Variants in NBAS observed in about 807,000 individuals in gnomAD.
NBAS encodes NAG/BC035112 fusion.
A neutral mutation model predicts 302.5 loss-of-function variants in NBAS; 219 were observed. That is an observed-to-expected ratio of 0.72 (90% CI 0.65 to 0.81). NBAS has a LOEUF of 0.81. NBAS is among the 30% of genes least tolerant of loss of function. The probability of loss-of-function intolerance (pLI) is 0.00; values close to 1 mark genes in which losing one functional copy is unlikely to be tolerated. For synonymous variants in NBAS, 1,118 were observed against 1,021.6 expected, an observed-to-expected ratio of 1.09 and a Z score of -1.80; for missense variants, 2,932 against 2,841.6, an observed-to-expected ratio of 1.03 and a Z score of -0.72.
intron 28 of NBAS, among the ~76,000 whole-genome samples, chr2:15,392,079 C>T (rs1194322491): frequency 6.6e-6 from 1 of 151,050 alleles, no homozygotes; most frequent in Non-Finnish European, 1.5e-5. Context: ...CAGATGGAAA[C>T]ATAAGTCTAC....
chr2:14,930,213 C>T, the NBAS span, among the ~76,000 whole-genome samples: 1 of 152,140 alleles, frequency 6.6e-6, no homozygotes, highest in East Asian at 1.9e-4. Flanking sequence ...TATTCCTGTC[C>T]TCCACTCTAA....
the NBAS span, among the ~76,000 whole-genome samples, chr2:14,954,853 A>C: frequency 6.6e-6 from 1 of 152,170 alleles, no homozygotes; most frequent in Non-Finnish European, 1.5e-5. Context: ...TGGGAACTAC[A>C]ATATAAGATG....
At chr2:15,044,117 G>A in the NBAS span, among the ~76,000 whole-genome samples, 1 of 136,890 alleles carries the variant, frequency 7.3e-6, no homozygotes. Flanking sequence ...TGAACAGAGA[G>A]AAAACTTAAA....
chr2:14,853,816 G>T, the NBAS span, among the ~76,000 whole-genome samples: 1 of 122,760 alleles, frequency 8.1e-6, no homozygotes, highest in Non-Finnish European at 1.7e-5. Context: ...GTAAACTATC[G>T]CAAGAACAAA....
At chr2:15,034,037 A>AGGAGGAGGAGGAGGAGGAGG in the NBAS span, among the ~76,000 whole-genome samples, 37 of 42,016 alleles carry the variant, frequency 8.8e-4, 5 homozygotes, top group East Asian at 0.01. Context: ...GAGGAGGAGG[A>AGGAGGAGGAGGAGGAGGAGG]AGGAGGAGGA....
intron 48 of NBAS, among the ~76,000 whole-genome samples, chr2:15,197,899 G>A (rs1189908004): frequency 1.3e-5 from 2 of 152,134 alleles, no homozygotes; most frequent in Non-Finnish European, 2.9e-5. Context: ...TTCCCTTTTA[G>A]TTTTGCTGAA....
chr2:15,109,216 A>T, the NBAS span, among the ~76,000 whole-genome samples: 3 of 152,150 alleles, frequency 2.0e-5, no homozygotes, highest in African/African-American at 7.2e-5. Context: ...TCAATAAGAG[A>T]TAATGTGCTT....
chr2:14,789,877 A>C, the NBAS span, among the ~76,000 whole-genome samples: 1 of 152,254 alleles, frequency 6.6e-6, no homozygotes, highest in South Asian at 2.1e-4. Flanking sequence ...AATGTTTAAC[A>C]AATAAATAAA....
At chr2:15,156,525 G>C in the NBAS span, among the ~76,000 whole-genome samples, 2 of 152,212 alleles carry the variant, frequency 1.3e-5, 1 homozygote, top group East Asian at 3.9e-4. Flanking sequence ...GTTCCTCATA[G>C]ATGGTGGTTT....
chr2:14,909,366 T>TAAAAAAAAAA, the NBAS span, among the ~76,000 whole-genome samples: 334 of 78,526 alleles, frequency 4.3e-3, 17 homozygotes, highest in South Asian at 0.012. Context: ...GGAGAGTTTC[T>TAAAAAAAAAA]AAAAAAAAAA....
Position 15,353,627 on chromosome 2 carries a change from CCATGAGCT to C in NBAS, c.4007_4014del (p.Glu1336GlyfsTer10). 1 of 1,614,096 alleles carries C rather than the reference CCATGAGCT, an allele frequency of 6.2e-7. No homozygotes were observed. Among genetic ancestry groups the C allele is most frequent in the Non-Finnish European group, 8.5e-7 (1 of 1,179,974 alleles). ...GGAGGGCAATGTGTCAAAGCAAAAGCCATGAGCTCTTGACGAGTGGCCAAGTCCTGGTA... is the reference window on the plus strand; with the variant it reads ...GGAGGGCAATGTGTCAAAGCAAAAGCCTTGACGAGTGGCCAAGTCCTGGTA... On this transcript the variant is annotated frameshift_variant, in exon 34 of 52. Coordinates refer to ENST00000281513, the MANE Select transcript of NBAS (RefSeq NM_015909.4). LOFTEE classifies it high-confidence loss of function.
chr2:15,489,532 G>A (rs1680769509), intron 11 of NBAS, among the ~76,000 whole-genome samples: 1 of 152,272 alleles, frequency 6.6e-6, no homozygotes, highest in Admixed American at 6.5e-5. Context: ...GGAAACAGAA[G>A]AAGATAAAGA....
the NBAS span, among the ~76,000 whole-genome samples, chr2:15,130,493 T>C: frequency 6.6e-6 from 1 of 152,196 alleles, no homozygotes. Flanking sequence ...ACACAGTCAA[T>C]GGGGCACTTT....
intron 6 of NBAS, among the ~76,000 whole-genome samples, chr2:15,539,857 T>TACAC (rs149929250): frequency 1.1e-4 from 16 of 150,936 alleles, no homozygotes; most frequent in East Asian, 5.8e-4. Context: ...TATATATATA[T>TACAC]ACACACACAC....
chr2:14,998,668 G>A, the NBAS span, among the ~76,000 whole-genome samples: 1 of 152,166 alleles, frequency 6.6e-6, no homozygotes, highest in Non-Finnish European at 1.5e-5. Context: ...TGTATGTGAA[G>A]ATAAGCTGCT....
At chr2:15,052,654 T>G in the NBAS span, among the ~76,000 whole-genome samples, 17 of 152,314 alleles carry the variant, frequency 1.1e-4, no homozygotes, top group South Asian at 3.3e-3. Flanking sequence ...CAGCTAAGAC[T>G]TCACTTCCAA....
intron 13 of NBAS, among the ~76,000 whole-genome samples, chr2:15,477,786 G>A (rs937308069): frequency 6.6e-6 from 1 of 151,928 alleles, no homozygotes; most frequent in African/African-American, 2.4e-5. Flanking sequence ...TGTAAATCTT[G>A]ATTTTTTTCT....
the NBAS span, among the ~76,000 whole-genome samples, chr2:15,118,369 A>G: frequency 1.3e-5 from 2 of 152,230 alleles, no homozygotes; most frequent in African/African-American, 4.8e-5. Flanking sequence ...AGCCATTGTC[A>G]TCACTGAAGA....
At chr2:15,342,222 T>G (rs1296956806) in intron 35 of NBAS, among the ~76,000 whole-genome samples, 1 of 151,804 alleles carries the variant, frequency 6.6e-6, no homozygotes, top group African/African-American at 2.4e-5. Context: ...TAGTCTAAAA[T>G]AGAGAAAAGT....
Sources: gnomAD v4.1 joint callset for allele counts (sites outside exome capture counted in the v4.1 genomes callset) on GRCh38, gnomAD v4.1.1 for gene constraint, MANE v1.5 for transcripts, NCBI Gene and HGNC (gene_info 2026-07-23, HGNC 2026-07-21) for gene names.